TSC22D1: variants seen among roughly 807,000 people sequenced by gnomAD.
TSC22D1 encodes the protein TSC22 domain family protein 1.
A neutral mutation model predicts 74.2 loss-of-function variants in TSC22D1; 9 were observed. That is an observed-to-expected ratio of 0.12 (90% confidence interval 0.07 to 0.21). The LOEUF (loss-of-function observed/expected upper bound fraction) is 0.21. TSC22D1 is among the 10% of genes least tolerant of loss of function. The probability of loss-of-function intolerance (pLI) is 1.00; values close to 1 mark genes in which losing one functional copy is unlikely to be tolerated. For missense variants in TSC22D1, 1,427 were observed against 1,304.7 expected, an observed-to-expected ratio of 1.09 and a Z score of -1.44; for synonymous variants, 586 against 492.5, an observed-to-expected ratio of 1.19 and a Z score of -2.51.
chr13:44,576,654 G>C (rs1359210262), upstream of TSC22D1: 1 of 152,224 alleles, frequency 6.6e-6, no homozygotes, highest in Non-Finnish European at 1.5e-5. Flanking sequence ...GCGCCCCGCA[G>C]ACCCTTTCAA....
intron 1 of TSC22D1, chr13:44,538,827 A>G: frequency 4.1e-6 from 4 of 985,424 alleles, no homozygotes; most frequent in Non-Finnish European, 4.8e-6. Context: ...TCATCCATGA[A>G]GGCTCTGCTA....
At chr13:44,488,952 T>C (rs1878576437) in intron 1 of TSC22D1, among the ~76,000 whole-genome samples, 1 of 152,108 alleles carries the variant, frequency 6.6e-6, no homozygotes. Flanking sequence ...AAAATTTGTA[T>C]GGAAGACCCC....
intron 1 of TSC22D1, among the ~76,000 whole-genome samples, chr13:44,544,919 T>C (rs911581381): frequency 6.6e-6 from 1 of 152,172 alleles, no homozygotes; most frequent in Non-Finnish European, 1.5e-5. Context: ...ATATATATTT[T>C]AGAGTAGTTA....
chr13:44,549,508 C>G (rs563658831), intron 1 of TSC22D1, among the ~76,000 whole-genome samples: 2 of 152,220 alleles, frequency 1.3e-5, no homozygotes, highest in East Asian at 1.9e-4. Context: ...CACAGTGGAT[C>G]AGGCCTGTAA....
At chr13:44,510,531 T>C (rs750881618) in intron 1 of TSC22D1, among the ~76,000 whole-genome samples, 4 of 152,172 alleles carry the variant, frequency 2.6e-5, no homozygotes, top group Non-Finnish European at 4.4e-5. Flanking sequence ...TTTATAAATA[T>C]AGTAGAAAAT....
chr13:44,513,657 C>A (rs985827387), intron 1 of TSC22D1, among the ~76,000 whole-genome samples: 4 of 152,128 alleles, frequency 2.6e-5, no homozygotes, highest in African/African-American at 7.2e-5. Context: ...TATGTTTTTT[C>A]ATTCAGATTC....
intron 1 of TSC22D1, among the ~76,000 whole-genome samples, chr13:44,477,982 G>A (rs1244139890): frequency 2.0e-5 from 3 of 151,994 alleles, no homozygotes; most frequent in South Asian, 4.1e-4. Context: ...GACAGAAGAA[G>A]AGACCATGAA....
chr13:44,489,305 G>A (rs986494416), intron 1 of TSC22D1, among the ~76,000 whole-genome samples: 1 of 150,870 alleles, frequency 6.6e-6, no homozygotes, highest in Non-Finnish European at 1.5e-5. Flanking sequence ...AATAGGCAAA[G>A]ATTTTTTAAA....
At chr13:44,563,637 G>A (rs78865226) in intron 1 of TSC22D1, among the ~76,000 whole-genome samples, 3,412 of 152,114 alleles carry the variant, frequency 0.022, 116 homozygotes, top group African/African-American at 0.075. Flanking sequence ...TCTCCCACCT[G>A]ACACATTTTC....
chr13:44,549,343 T>C (rs753804509), intron 1 of TSC22D1, among the ~76,000 whole-genome samples: 5 of 152,156 alleles, frequency 3.3e-5, no homozygotes, highest in Non-Finnish European at 5.9e-5. Flanking sequence ...TACTTACAAA[T>C]AAATCCTTTA....
chr13:44,465,834 G>A (rs924834125), intron 1 of TSC22D1, among the ~76,000 whole-genome samples: 3 of 152,124 alleles, frequency 2.0e-5, no homozygotes, highest in Non-Finnish European at 4.4e-5. Flanking sequence ...TTAGCCAGGT[G>A]TGGTGGCAGG....
Position 44,571,038 on chromosome 13 carries a change from C to T in TSC22D1, c.2912+2125G>A, listed in dbSNP as rs547781571. Among the ~76,000 whole-genome samples, 23 of 152,130 alleles carry T rather than the reference C, an allele frequency of 1.5e-4. No homozygotes were observed. The South Asian group carries it at 1.7e-3, about 11-fold the overall frequency. The stretch of plus-strand genomic sequence containing the variant: ...TCCGATTTCACAGAATTTAAGATAC[C>T]GCTAAAACAAAAATTTTCTGGTTTT... On this transcript the variant is annotated intron_variant, in intron 1 of 2. Transcript: ENST00000458659.
chr13:44,475,203 T>G (rs1322032951), intron 1 of TSC22D1, among the ~76,000 whole-genome samples: 1 of 151,810 alleles, frequency 6.6e-6, no homozygotes. Flanking sequence ...AAAAATAAAC[T>G]TGAGAAAATT....
At position 44,434,489 on chromosome 13, in the gene TSC22D1, T is replaced by C. The variant is rs1008909384; in HGVS notation, c.*137A>G. 4.3e-6 allele frequency: 6 copies of C among 1,397,328 alleles called. No individual in the cohort carries two copies. In the Admixed American group the frequency reaches 9.9e-5, roughly 23 times the overall value. The allele number at this position is 1,397,328 out of a possible 1,614,324, so 86.6% of individuals were successfully genotyped here. A position where few individuals can be genotyped will look rare whatever the true frequency, so the allele number is the denominator to read the frequency against. ...TGAGTGTTTAATACTGGAAAAGAGA[T>C]AATGGCATATGTCAGTCTCACGTCT... is the stretch of plus-strand genomic sequence containing the variant. On this transcript the variant is annotated 3_prime_UTR_variant, in exon 3 of 3. Coordinates refer to ENST00000458659, the MANE Select transcript of TSC22D1 (RefSeq NM_183422.4).
At chr13:44,577,092 AGGC>A, upstream of TSC22D1, 1 of 152,432 alleles carries the variant, frequency 6.6e-6, no homozygotes, top group Non-Finnish European at 1.5e-5. Flanking sequence ...AGAGGGCCGC[AGGC>A]GGCGGCGGCT....
intron 1 of TSC22D1, among the ~76,000 whole-genome samples, chr13:44,520,592 T>C (rs116243427): frequency 0.023 from 3,439 of 152,196 alleles, 117 homozygotes; most frequent in African/African-American, 0.076. Context: ...AGGATCTAGT[T>C]GAAAGGAAAA....
rs1418154553 is a variant in TSC22D1 at position 44,434,548 on chromosome 13, G to C, written c.*78C>G. The C allele has an allele frequency of 4.1e-6, 6 of 1,477,366 alleles. No individual in the cohort carries two copies. Among genetic ancestry groups the C allele is most frequent in the Non-Finnish European group, 5.4e-6 (6 of 1,117,416 alleles). The allele number at this position is 1,477,366 out of a possible 1,614,324, so 91.5% of individuals were successfully genotyped here. ...GCGAGCAATGAAATGGGTGACTGTG[G>C]AGGCAGATTCTCCCTAGCACATCTT... On this transcript the variant is annotated 3_prime_UTR_variant, in exon 3 of 3. Transcript: ENST00000458659.
chr13:44,441,738 T>C (rs1875223257), intron 1 of TSC22D1, among the ~76,000 whole-genome samples: 1 of 152,208 alleles, frequency 6.6e-6, no homozygotes, highest in African/African-American at 2.4e-5. Flanking sequence ...TATTTGCTTT[T>C]TGGGTATGTA....
At position 44,436,092 on chromosome 13, in the gene TSC22D1, G is replaced by A. The variant is rs1403088986; in HGVS notation, c.2916C>T (p.Ser972=). Residue 972 remains serine, a synonymous_variant, in exon 2 of 3, where the codon TCC becomes TCT. Transcript: ENST00000458659. ...CAATAGCTACCACACTTGCACCAGA[G>A]GAGCTGAAAAAGAGGAGGGAAAAAG... is the stretch of plus-strand genomic sequence containing the variant. ...TPLVDGEDES[S]SGASVVAIDN... is the part of the protein sequence containing the mutation. 6.2e-7 allele frequency: 1 copy of A among 1,611,430 alleles called. No homozygotes were observed. The highest frequency in any genetic ancestry group is 8.5e-7 in the Non-Finnish European group (1 of 1,179,266).
Sources: allele counts gnomAD v4.1 joint callset (sites outside exome capture counted in the v4.1 genomes callset), GRCh38; gene constraint gnomAD v4.1.1; transcripts MANE v1.5; gene names NCBI Gene and HGNC (gene_info 2026-07-23, HGNC 2026-07-21).